Variants in ARMC8 observed in about 807,000 individuals in gnomAD.
The protein encoded by ARMC8 is armadillo repeat-containing protein 8.
ARMC8 carries 20 observed loss-of-function variants against 99.3 expected under a neutral mutation model. That is an observed-to-expected ratio of 0.20 (90% CI 0.14 to 0.29). The LOEUF (loss-of-function observed/expected upper bound fraction) is 0.29. ARMC8 is among the 10% of genes least tolerant of loss of function. The pLI is 1.00. For missense variants in ARMC8, 569 were observed against 809.5 expected (o/e 0.70, Z 3.60); for synonymous variants, 263 against 278.3 (o/e 0.95, Z 0.55).
chr3:138,206,341 T>G (rs769298720), intron 1 of ARMC8, among the ~76,000 whole-genome samples: 1 of 152,242 alleles, frequency 6.6e-6, no homozygotes, highest in Non-Finnish European at 1.5e-5. Flanking sequence ...AATTGCCATA[T>G]GAGGCTAGAG....
At chr3:138,236,069 G>C (rs1381213849) in intron 7 of ARMC8, among the ~76,000 whole-genome samples, 1 of 152,140 alleles carries the variant, frequency 6.6e-6, no homozygotes, top group Non-Finnish European at 1.5e-5. Flanking sequence ...GCCTCCCAAA[G>C]TGCTGGGATT....
At chr3:138,218,230 G>C (rs960067548) in intron 2 of ARMC8, among the ~76,000 whole-genome samples, 5 of 152,072 alleles carry the variant, frequency 3.3e-5, no homozygotes, top group African/African-American at 9.7e-5. Context: ...GATCACAAGG[G>C]GGGGCATCAG....
At position 138,187,522 on chromosome 3, in the gene ARMC8, G is replaced by C; in HGVS notation, c.-33G>C. ...TGTCGAAAGTGCCGGCCCCCGCGCC[G>C]GCGCCTGCAGCAGCCGGGTGGGAAG... is the stretch of plus-strand genomic sequence containing the variant. On this transcript the variant is annotated 5_prime_UTR_variant, in exon 1 of 22. Coordinates refer to ENST00000469044, the MANE Select transcript of ARMC8 (RefSeq NM_001363941.2). 1.3e-6 allele frequency: 2 copies of C among 1,535,308 alleles called. No individual in the cohort carries two copies. Among genetic ancestry groups the C allele is most frequent in the Non-Finnish European group, 1.7e-6 (2 of 1,146,348 alleles).
At chr3:138,273,537 CG>C (rs2048979658) in intron 17 of ARMC8, among the ~76,000 whole-genome samples, 1 of 152,110 alleles carries the variant, frequency 6.6e-6, no homozygotes, top group African/African-American at 2.4e-5. Flanking sequence ...CCCACATTTA[CG>C]GGATTGACCT....
rs767964327 is a variant in ARMC8, at chr3:138,272,959, C to G, written c.1480-8C>G. 11 of 1,558,280 alleles carry G rather than the reference C, an allele frequency of 7.1e-6. No individual in the cohort carries two copies. The East Asian group carries it at 2.5e-4, about 36-fold the overall frequency. The stretch of plus-strand genomic sequence containing the variant: ...ACATGATTCTTGCAACTTCTTTAAT[C>G]CTTTCAGAATATGGCATTTCAGGCT... On this transcript the variant is annotated splice_polypyrimidine_tract_variant and splice_region_variant and intron_variant, in intron 16 of 21. Coordinates refer to ENST00000469044, the MANE Select transcript of ARMC8 (RefSeq NM_001363941.2).
At chr3:138,292,555 G>A (rs1308311255) in intron 21 of ARMC8, among the ~76,000 whole-genome samples, 2 of 152,194 alleles carry the variant, frequency 1.3e-5, no homozygotes, top group Admixed American at 1.3e-4. Flanking sequence ...AGTACAGGAT[G>A]TTAAAGAGAG....
intron 15 of ARMC8, among the ~76,000 whole-genome samples, chr3:138,267,973 T>C (rs2048430469): frequency 6.6e-6 from 1 of 152,098 alleles, no homozygotes; most frequent in South Asian, 2.1e-4. Flanking sequence ...CCAGGCACGG[T>C]GGTTCATGCG....
chr3:138,217,471 C>T (rs2045131773), intron 2 of ARMC8, among the ~76,000 whole-genome samples: 1 of 147,368 alleles, frequency 6.8e-6, no homozygotes. Context: ...TGGTTTTCAT[C>T]ACGCTTATAA....
chr3:138,264,566 C>T (rs541419819), intron 14 of ARMC8, among the ~76,000 whole-genome samples: 114 of 151,612 alleles, frequency 7.5e-4, no homozygotes, highest in Non-Finnish European at 1.3e-3. Flanking sequence ...ACTACAGGTG[C>T]GCACCACCAC....
At chr3:138,293,043 C>T (rs1370198682) in intron 21 of ARMC8, among the ~76,000 whole-genome samples, 2 of 152,212 alleles carry the variant, frequency 1.3e-5, no homozygotes, top group East Asian at 3.8e-4. Flanking sequence ...ACCCTCCCCT[C>T]CAGGCTTTGC....
chr3:138,253,235 A>C (rs1479611838), intron 12 of ARMC8, among the ~76,000 whole-genome samples: 1 of 152,164 alleles, frequency 6.6e-6, no homozygotes, highest in Non-Finnish European at 1.5e-5. Flanking sequence ...TGTTTGGGAA[A>C]CCATATACAA....
chr3:138,191,720 G>A (rs576929338), intron 1 of ARMC8, among the ~76,000 whole-genome samples: 2 of 152,166 alleles, frequency 1.3e-5, no homozygotes, highest in East Asian at 3.9e-4. Context: ...CTATAATGTT[G>A]TCATTTTCTA....
At chr3:138,243,224 A>T (rs2046713334) in intron 11 of ARMC8, among the ~76,000 whole-genome samples, 1 of 152,242 alleles carries the variant, frequency 6.6e-6, no homozygotes, top group African/African-American at 2.4e-5. Flanking sequence ...TAGTACGTAG[A>T]TTATCCCTTC....
chr3:138,287,771 A>T, intron 19 of ARMC8: 1 of 444,242 alleles, frequency 2.3e-6, no homozygotes, highest in Non-Finnish European at 4.6e-6. Context: ...ATGAGAAGAT[A>T]AGTCTGTCTT....
rs1006531728 is a variant in ARMC8, at chr3:138,228,176, C to T, written c.436-742C>T. Reference sequence around the variant, plus strand: ...TGTATTTTTGGTAGAGACGGGGTTTCGCCATGTTGGCCAGGCTGGTCCCAA... The same window carrying T: ...TGTATTTTTGGTAGAGACGGGGTTTTGCCATGTTGGCCAGGCTGGTCCCAA... On this transcript the variant is annotated intron_variant, in intron 5 of 21. Transcript: ENST00000469044. 4.2e-4 allele frequency among the ~76,000 whole-genome samples: 64 copies of T among 152,244 alleles called. 1 individual carries two copies. Among genetic ancestry groups the T allele is most frequent in the African/African-American group, 1.4e-3 (60 of 41,546 alleles).
chr3:138,284,090 T>G (rs2108357332), intron 18 of ARMC8, among the ~76,000 whole-genome samples: 1 of 152,332 alleles, frequency 6.6e-6, no homozygotes, highest in East Asian at 1.9e-4. Flanking sequence ...CACAAGAGCT[T>G]CTCTTAGAAA....
At chr3:138,187,761 C>T (rs1192001583) in intron 1 of ARMC8, 162 bp downstream of exon 1, 7 of 748,358 alleles carry the variant, frequency 9.4e-6, no homozygotes, top group South Asian at 1.9e-5. Context: ...GCGGGATAGA[C>T]GGGCAGAGGG....
chr3:138,209,673 G>A (rs1473943104), intron 1 of ARMC8, 144 bp from the exon 2 acceptor site: 5 of 645,694 alleles, frequency 7.7e-6, no homozygotes, highest in East Asian at 5.6e-5. Context: ...CCCATATCAT[G>A]AGGAGGCAAA....
intron 12 of ARMC8, chr3:138,261,299 T>A (rs1252694924): frequency 6.6e-6 from 1 of 152,042 alleles, no homozygotes; most frequent in Non-Finnish European, 1.5e-5. Context: ...AGAGTTGGGG[T>A]CAAAATTAGC....
Sources: allele counts gnomAD v4.1 joint callset (sites outside exome capture counted in the v4.1 genomes callset), GRCh38; gene constraint gnomAD v4.1.1; transcripts MANE v1.5; gene names NCBI Gene and HGNC (gene_info 2026-07-23, HGNC 2026-07-21).